Variants in EOGT observed in about 807,000 individuals in gnomAD.
The protein encoded by EOGT is EGF domain specific O-linked N-acetylglucosamine transferase.
In EOGT, 55 loss-of-function variants were observed where a neutral mutation model predicts 70.5. The observed-to-expected ratio is 0.78, with a 90% CI of 0.63 to 0.98. The LOEUF is 0.98. EOGT is among the 50% of genes least tolerant of loss of function. EOGT has a pLI of 0.00. For missense variants in EOGT, 703 were observed against 641.9 expected, an observed-to-expected ratio of 1.10 and a Z score of -1.03; for synonymous variants, 246 against 217.1, an observed-to-expected ratio of 1.13 and a Z score of -1.17.
chr3:68,997,933 TTC>T, intron 10 of EOGT, 76 bp downstream of exon 10: 1 of 852,026 alleles, frequency 1.2e-6, no homozygotes, highest in Non-Finnish European at 1.9e-6. Context: ...TCTTTGAAAA[TTC>T]TGTTTCACAA....
intron 15 of EOGT, among the ~76,000 whole-genome samples, chr3:68,980,417 C>T (rs895523811): frequency 6.6e-6 from 1 of 152,120 alleles, no homozygotes; most frequent in African/African-American, 2.4e-5. Context: ...TAGGACTGTA[C>T]AAGTGTTCTC....
At chr3:68,985,008 ACT>A (rs1156668799) in intron 14 of EOGT, among the ~76,000 whole-genome samples, 2 of 152,156 alleles carry the variant, frequency 1.3e-5, no homozygotes, top group Non-Finnish European at 2.9e-5. Context: ...TTTTTTAACC[ACT>A]GAGCCTCAGT....
intron 8 of EOGT, among the ~76,000 whole-genome samples, chr3:69,002,664 T>C (rs2091328776): frequency 2.0e-5 from 3 of 151,580 alleles, no homozygotes; most frequent in African/African-American, 7.3e-5. Flanking sequence ...TGAATTTCTT[T>C]TTTTTTTTGA....
rs899806754 is a variant in EOGT, at chr3:68,977,335, A to G, written c.*283T>C. ...TGAGACTCTGTCTCCAAAAAAAAAA[A>G]AAGAAAGAAAGAAAGTTAAAGTATA... is the stretch of plus-strand genomic sequence containing the variant. On this transcript the variant is annotated 3_prime_UTR_variant, in exon 18 of 18. Coordinates refer to ENST00000383701, the MANE Select transcript of EOGT (RefSeq NM_001278689.2). 7.7e-6 allele frequency: 2 copies of G among 259,772 alleles called. No individual in the cohort carries two copies. The highest frequency in any genetic ancestry group is 1.1e-4 in the East Asian group (1 of 9,062). 16.1% of individuals were successfully genotyped at this position (259,772 alleles called of 1,614,324 possible).
intron 10 of EOGT, among the ~76,000 whole-genome samples, chr3:68,994,456 T>C (rs1324583804): frequency 6.6e-6 from 1 of 152,228 alleles, no homozygotes; most frequent in Non-Finnish European, 1.5e-5. Context: ...TACTTCTGTG[T>C]TGTTTGAACT....
At position 68,978,414 on chromosome 3, in the gene EOGT, G is replaced by C. The variant is rs1311477022; in HGVS notation, c.1356C>G (p.Arg452=). The C allele has an allele frequency of 1.2e-6, 2 of 1,610,864 alleles. No individual in the cohort carries two copies. Among genetic ancestry groups the C allele is most frequent in the African/African-American group, 1.3e-5 (1 of 74,682 alleles). The change falls in exon 17 of 18, where the codon CGC becomes CGG. Residue 452 remains arginine (R), a synonymous_variant. Coordinates refer to ENST00000383701, the MANE Select transcript of EOGT (RefSeq NM_001278689.2). ...TCAGCCTGGCCAAGTCTAAGTAACA[G>C]CGTTCATCTTCACAGTTGTACCTAA... is the stretch of plus-strand genomic sequence containing the variant. ...VFELYNCEDE[R]CYLDLARLRG...
intron 8 of EOGT, among the ~76,000 whole-genome samples, chr3:69,003,712 C>T (rs1283005121): frequency 6.6e-6 from 1 of 152,166 alleles, no homozygotes; most frequent in African/African-American, 2.4e-5. Flanking sequence ...GTCAGAGTAG[C>T]ATCTACCTTT....
intron 12 of EOGT, 25 bp from the exon 13 acceptor site, chr3:68,988,406 T>G: frequency 1.3e-6 from 2 of 1,507,184 alleles, no homozygotes; most frequent in Middle Eastern, 1.7e-4. Flanking sequence ...CTGGTTCATA[T>G]TACAATGAAT....
At chr3:68,985,137 A>T (rs1330271978) in intron 14 of EOGT, among the ~76,000 whole-genome samples, 1 of 152,198 alleles carries the variant, frequency 6.6e-6, no homozygotes, top group South Asian at 2.1e-4. Context: ...CCCCAACTGC[A>T]CTCAATATGT....
chr3:69,011,454 G>A (rs1012738366), intron 3 of EOGT, among the ~76,000 whole-genome samples: 3 of 151,472 alleles, frequency 2.0e-5, no homozygotes, highest in African/African-American at 4.8e-5. Context: ...GATGAAACCC[G>A]GTCTCTGCTA....
chr3:68,981,840 T>TATCAAATATTTGATAAC (rs1339108900), intron 15 of EOGT, among the ~76,000 whole-genome samples: 1 of 152,162 alleles, frequency 6.6e-6, no homozygotes, highest in Non-Finnish European at 1.5e-5. Flanking sequence ...ACTTTTTTGT[T>TATCAAATATTTGATAAC]ATCAAACATT....
intron 16 of EOGT, 85 bp downstream of exon 16, chr3:68,979,583 C>A: frequency 7.2e-7 from 1 of 1,397,350 alleles, no homozygotes; most frequent in South Asian, 1.4e-5. Flanking sequence ...AAATATTAAG[C>A]CTTTTGATGC....
At chr3:69,007,378 C>T (rs1375585121) in intron 6 of EOGT, among the ~76,000 whole-genome samples, 1 of 152,054 alleles carries the variant, frequency 6.6e-6, no homozygotes, top group Non-Finnish European at 1.5e-5. Flanking sequence ...CTTAGTTGGG[C>T]ACAGTGGCTC....
At chr3:69,004,339 G>A in intron 8 of EOGT, 39 bp downstream of exon 8, 7 of 1,465,326 alleles carry the variant, frequency 4.8e-6, no homozygotes, top group Non-Finnish European at 6.7e-6. Flanking sequence ...GTAAATAAAG[G>A]CAAATATTTC....
At position 68,988,337 on chromosome 3, in the gene EOGT, C is replaced by A. The variant is rs1316070049; in HGVS notation, c.1041G>T (p.Gln347His). The A allele has an allele frequency of 6.5e-7, 1 of 1,536,112 alleles. No homozygotes were observed. Among genetic ancestry groups the A allele is most frequent in the Admixed American group, 2.0e-5 (1 of 51,002 alleles). Residue 347 changes from glutamine (Q) to histidine (H), a missense_variant, in exon 13 of 18, where the codon CAG becomes CAT. By Grantham distance (24) the Gln-to-His change is conservative. Coordinates refer to ENST00000383701, the MANE Select transcript of EOGT (RefSeq NM_001278689.2). ...TGATGTTTAGTCTGTGTAGTACATG[C>A]TGGGCAAATGCCCTGAATAGTCCAG... Reference protein sequence around the residue: ...QNTGLFRAFAQHVLHRLNITQ... With the variant: ...QNTGLFRAFAHHVLHRLNITQ...
At chr3:68,998,485 AT>A (rs1487069768) in intron 9 of EOGT, among the ~76,000 whole-genome samples, 1 of 152,124 alleles carries the variant, frequency 6.6e-6, no homozygotes, top group African/African-American at 2.4e-5. Context: ...GACTTTATTT[AT>A]TTTTTTAATC....
intron 10 of EOGT, among the ~76,000 whole-genome samples, chr3:68,991,733 G>A (rs1024083221): frequency 4.6e-5 from 7 of 152,184 alleles, no homozygotes; most frequent in Admixed American, 3.3e-4. Context: ...CTTGAGGCCA[G>A]GAGTTCAAGA....
intron 6 of EOGT, among the ~76,000 whole-genome samples, chr3:69,007,399 T>C (rs1365764453): frequency 1.3e-5 from 2 of 151,866 alleles, no homozygotes; most frequent in Non-Finnish European, 2.9e-5. Context: ...ACGCCTGTAA[T>C]CCCAGCACTT....
At chr3:69,004,547 G>T in intron 7 of EOGT, 65 bp from the exon 8 acceptor site, 1 of 1,032,126 alleles carries the variant, frequency 9.7e-7, no homozygotes, top group Non-Finnish European at 1.5e-6. Flanking sequence ...CACGTGGGTT[G>T]TAACTAAAGT....
Sources: gnomAD v4.1 joint callset for allele counts (sites outside exome capture counted in the v4.1 genomes callset) on GRCh38, gnomAD v4.1.1 for gene constraint, MANE v1.5 for transcripts, NCBI Gene and HGNC (gene_info 2026-07-23, HGNC 2026-07-21) for gene names.